SERPINB9: variants seen among roughly 807,000 people sequenced by gnomAD.
SERPINB9 encodes the protein serpin family B member 9, also known as serpin B9.
Under a neutral mutation model 27.2 loss-of-function variants are expected in SERPINB9, and 20 were observed. That is an observed-to-expected ratio of 0.74 (90% CI 0.52 to 1.07). SERPINB9 has a LOEUF of 1.07. SERPINB9 is among the 50% of genes least tolerant of loss of function. SERPINB9 has a pLI of 0.00. For synonymous variants in SERPINB9, 189 were observed against 180.0 expected (o/e 1.05, Z -0.40); for missense variants, 476 against 460.1 (o/e 1.03, Z -0.32).
In SERPINB9 at chr6:2,891,066, C is replaced by T. The variant is rs993296369; in HGVS notation, c.724-496G>A. On this transcript the variant is annotated intron_variant, in intron 6 of 6. Transcript: ENST00000380698. The surrounding 1 kb of genome is among the most constrained non-coding windows in gnomAD (Gnocchi z 4.0). ...CCCCAGAGAGATTCTGCATAGTTTCCGGAGCATAGTTTCAGGAAGGTGGGC... is the reference window on the plus strand; with the variant it reads ...CCCCAGAGAGATTCTGCATAGTTTCTGGAGCATAGTTTCAGGAAGGTGGGC... Among the ~76,000 whole-genome samples, 3 of 152,210 alleles carry T rather than the reference C, an allele frequency of 2.0e-5. No individual in the cohort carries two copies. The highest frequency in any genetic ancestry group is 2.0e-4 in the Admixed American group (3 of 15,282).
In SERPINB9 at chr6:2,900,523, C is replaced by T. The variant is rs778497152; in HGVS notation, c.89G>A (p.Cys30Tyr). 3 of 1,614,094 alleles carry T rather than the reference C, an allele frequency of 1.9e-6. No homozygotes were observed. Among genetic ancestry groups the T allele is most frequent in the Non-Finnish European group, 2.5e-6 (3 of 1,180,034 alleles). Residue 30 changes from cysteine (C) to tyrosine (Y), a missense_variant, in exon 2 of 7, where the codon TGT becomes TAT. Transcript: ENST00000380698. Reference sequence around the variant, plus strand: ...GGCAGAGGAGATGCTCACAGGAGAACAGAACACGTTGTGCGAAGGGTTATC... The same window carrying T: ...GGCAGAGGAGATGCTCACAGGAGAATAGAACACGTTGTGCGAAGGGTTATC... ...CQDNPSHNVF[C>Y]SPVSISSALA...
chr6:2,900,885 T>TCTCTCTCTCTCACACACACA, intron 1 of SERPINB9, among the ~76,000 whole-genome samples: 2 of 141,574 alleles, frequency 1.4e-5, no homozygotes, highest in African/African-American at 5.6e-5. Flanking sequence ...GCTCGCTCTC[T>TCTCTCTCTCTCACACACACA]CACACACACA....
rs748681121 is a variant in SERPINB9 at position 2,900,543 on chromosome 6, G to A, written c.69C>T (p.Asn23=). ...GAGAACAGAACACGTTGTGCGAAGG[G>A]TTATCTTGACACAGTATCTTTAAAA... ...IRLLKILCQD[N]PSHNVFCSPV... The change falls in exon 2 of 7, where the codon AAC becomes AAT. Residue 23 remains asparagine (N), a synonymous_variant. Coordinates refer to ENST00000380698, the MANE Select transcript of SERPINB9 (RefSeq NM_004155.6). 3.7e-6 allele frequency: 6 copies of A among 1,613,964 alleles called. No homozygotes were observed. The highest frequency in any genetic ancestry group is 5.1e-6 in the Non-Finnish European group (6 of 1,180,010).
chr6:2,900,407 A>AGGCCAGTCC, intron 2 of SERPINB9, 37 bp downstream of exon 2: 1 of 1,608,838 alleles, frequency 6.2e-7, no homozygotes, highest in South Asian at 1.1e-5. Flanking sequence ...CACGCAGCCC[A>AGGCCAGTCC]GGCCAGTCCC....
chr6:2,895,590 CT>C (rs1036926932), intron 3 of SERPINB9, 82 bp from the exon 4 acceptor site: 21 of 825,250 alleles, frequency 2.5e-5, no homozygotes, highest in South Asian at 2.4e-4. Context: ...AATATGTTAT[CT>C]TTTTTTAATA....
At chr6:2,893,221 A>ATATAATATATATATATTATAT (rs1373009283) in intron 5 of SERPINB9, among the ~76,000 whole-genome samples, 190 bp downstream of exon 5, 1 of 141,198 alleles carries the variant, frequency 7.1e-6, no homozygotes, top group African/African-American at 2.6e-5. Context: ...ACGTATATAT[A>ATATAATATATATATATTATAT]ATATATATAT....
chr6:2,893,409 A>G lies in SERPINB9; in HGVS notation c.567+2T>C. ...AGCAGGATTTTAAAAAGCTTCCCCC[A>G]CCTGGTTTATTTTAAAGGGCATTTC... On this transcript the variant is annotated splice_donor_variant, in intron 5 of 6. Transcript: ENST00000380698. LOFTEE classifies it high-confidence loss of function. 1 of 1,599,288 alleles carries G rather than the reference A, an allele frequency of 6.3e-7. No individual in the cohort carries two copies. The highest frequency in any genetic ancestry group is 8.5e-7 in the Non-Finnish European group (1 of 1,172,286).
At chr6:2,899,949 G>A (rs1768138207) in intron 2 of SERPINB9, 1 of 456,290 alleles carries the variant, frequency 2.2e-6, no homozygotes, top group Admixed American at 2.4e-5. Context: ...GAGCTGAGCA[G>A]TACCTGCACA....
intron 5 of SERPINB9, 52 bp from the exon 6 acceptor site, chr6:2,892,040 G>A (rs749371192): frequency 1.4e-5 from 20 of 1,465,076 alleles, no homozygotes; most frequent in African/African-American, 3.0e-5. Context: ...AAGAGCTGCA[G>A]TTGCCTCCAA....
chr6:2,895,536 C>T lies in SERPINB9; in HGVS notation c.307-28G>A, dbSNP rs188278367. On this transcript the variant is annotated intron_variant, in intron 3 of 6. Coordinates refer to ENST00000380698, the MANE Select transcript of SERPINB9 (RefSeq NM_004155.6). ...TTGGAGAGAAAAATGTTCAGTGAGG[C>T]TGCATTGCTAAATACAAATGTCAGC... 60 of 1,425,938 alleles carry T rather than the reference C, an allele frequency of 4.2e-5. No individual in the cohort carries two copies. The African/African-American group carries it at 8.3e-4, about 20-fold the overall frequency. 88.3% of individuals were successfully genotyped at this position (1,425,938 alleles called of 1,614,324 possible).
Position 2,889,915 on chromosome 6 carries a change from A to C in SERPINB9, c.*248T>G. 2.6e-6 allele frequency: 1 copy of C among 384,202 alleles called. No individual in the cohort carries two copies. The highest frequency in any genetic ancestry group is 4.7e-6 in the Non-Finnish European group (1 of 212,888). The allele number at this position is 384,202 out of a possible 1,614,324, so 23.8% of individuals were successfully genotyped here. A position where few individuals can be genotyped will look rare whatever the true frequency, so the allele number is the denominator to read the frequency against. Reference sequence around the variant, plus strand: ...CTAGAAGAACTTTGCTTGCCATCCTATGGGATTTGGACTGCAATTTTAATA... The same window carrying C: ...CTAGAAGAACTTTGCTTGCCATCCTCTGGGATTTGGACTGCAATTTTAATA... On this transcript the variant is annotated 3_prime_UTR_variant, in exon 7 of 7. Transcript: ENST00000380698.
rs1242704383 is a variant in SERPINB9, at chr6:2,894,879, G to A, written c.424+512C>T. Among the ~76,000 whole-genome samples the A allele has an allele frequency of 6.6e-6, 1 of 151,770 alleles. No individual in the cohort carries two copies. The highest frequency in any genetic ancestry group is 6.6e-5 in the Admixed American group (1 of 15,220). ...CATGTCTCAGCCTCCCAAGCAGCTGGGATTACAGGCATGGGCCACCACACC... is the reference window on the plus strand; with the variant it reads ...CATGTCTCAGCCTCCCAAGCAGCTGAGATTACAGGCATGGGCCACCACACC... On this transcript the variant is annotated intron_variant, in intron 4 of 6. Transcript: ENST00000380698. This position sits in a 1 kb window ranked among gnomAD's most constrained non-coding sequence, Gnocchi z 4.7.
At position 2,894,626 on chromosome 6, in the gene SERPINB9, A is replaced by G. The variant is rs978325396; in HGVS notation, c.424+765T>C. ...GCAGCCCAAGTGTATACCTCAGGCAAGATCTGTCCACCAATCTCCTTCTCG... is the reference window on the plus strand; with the variant it reads ...GCAGCCCAAGTGTATACCTCAGGCAGGATCTGTCCACCAATCTCCTTCTCG... On this transcript the variant is annotated intron_variant, in intron 4 of 6. Coordinates refer to ENST00000380698, the MANE Select transcript of SERPINB9 (RefSeq NM_004155.6). This position sits in a 1 kb window ranked among gnomAD's most constrained non-coding sequence, Gnocchi z 4.7. 6.6e-6 allele frequency among the ~76,000 whole-genome samples: 1 copy of G among 152,208 alleles called. No individual in the cohort carries two copies.
rs752359470 is a variant in SERPINB9, at chr6:2,894,553, A to T, written c.424+838T>A. ...GACATGAAAAGTCAGGAGTGACCTT[A>T]GCAGGTAAAGGTAATGGTGATGGAG... On this transcript the variant is annotated intron_variant, in intron 4 of 6. Transcript: ENST00000380698. This position sits in a 1 kb window ranked among gnomAD's most constrained non-coding sequence, Gnocchi z 4.7. Among the ~76,000 whole-genome samples the T allele has an allele frequency of 7.2e-5, 11 of 152,204 alleles. No individual in the cohort carries two copies. The highest frequency in any genetic ancestry group is 1.6e-4 in the Non-Finnish European group (11 of 68,032).
Position 2,891,379 on chromosome 6 carries a change from A to G in SERPINB9, c.723+454T>C, listed in dbSNP as rs571329601. ...CATAATGCTAAGAATGATGATTGTAATAATGGATCACATTTGTAGAGCATT... is the reference window on the plus strand; with the variant it reads ...CATAATGCTAAGAATGATGATTGTAGTAATGGATCACATTTGTAGAGCATT... On this transcript the variant is annotated intron_variant, in intron 6 of 6. Coordinates refer to ENST00000380698, the MANE Select transcript of SERPINB9 (RefSeq NM_004155.6). This position sits in a 1 kb window ranked among gnomAD's most constrained non-coding sequence, Gnocchi z 4.0. Among the ~76,000 whole-genome samples the G allele has an allele frequency of 1.6e-4, 25 of 152,350 alleles. No individual in the cohort carries two copies. Among genetic ancestry groups the G allele is most frequent in the African/African-American group, 6.0e-4 (25 of 41,582 alleles).
At chr6:2,898,959 A>G (rs929017577) in intron 2 of SERPINB9, among the ~76,000 whole-genome samples, 3 of 152,182 alleles carry the variant, frequency 2.0e-5, no homozygotes, top group African/African-American at 2.4e-5. Context: ...TACCAGTTAT[A>G]TAATGAAGGA....
rs575792016 is a variant in SERPINB9, at chr6:2,893,054, T to G, written c.567+357A>C. 8.8e-3 allele frequency among the ~76,000 whole-genome samples: 235 copies of G among 26,726 alleles called. 4 individuals are homozygous for G. The highest frequency in any genetic ancestry group is 0.027 in the African/African-American group (197 of 7,406). The allele number at this position is 26,726 out of a possible 152,430, so 17.5% of individuals were successfully genotyped here. A position where few individuals can be genotyped will look rare whatever the true frequency, so the allele number is the denominator to read the frequency against. Reference sequence around the variant, plus strand: ...CCCACATATCACACTACCTTAACACTTTTTTTTTTTTTTTTTTGCTTTCTA... The same window carrying G: ...CCCACATATCACACTACCTTAACACGTTTTTTTTTTTTTTTTTGCTTTCTA... On this transcript the variant is annotated intron_variant, in intron 5 of 6. Coordinates refer to ENST00000380698, the MANE Select transcript of SERPINB9 (RefSeq NM_004155.6).
At position 2,896,066 on chromosome 6, in the gene SERPINB9, C is replaced by T. The variant is rs968586030; in HGVS notation, c.293G>A (p.Cys98Tyr). ...GATTCAACTTACTGAGAGGAACTGACAAGTTTTCTCTCCAAAGAGCCTGTT... is the reference window on the plus strand; with the variant it reads ...GATTCAACTTACTGAGAGGAACTGATAAGTTTTCTCTCCAAAGAGCCTGTT... ...TANRLFGEKT[C>Y]QFLSTFKESC... The change falls in exon 3 of 7, where the codon TGT becomes TAT. Residue 98 changes from cysteine to tyrosine, a missense_variant. Coordinates refer to ENST00000380698, the MANE Select transcript of SERPINB9 (RefSeq NM_004155.6). 5.0e-6 allele frequency: 8 copies of T among 1,612,944 alleles called. No individual in the cohort carries two copies. The highest frequency in any genetic ancestry group is 6.8e-6 in the Non-Finnish European group (8 of 1,179,736).
intron 5 of SERPINB9, among the ~76,000 whole-genome samples, chr6:2,892,467 G>C (rs1053659963): frequency 1.3e-5 from 2 of 152,100 alleles, no homozygotes; most frequent in Non-Finnish European, 2.9e-5. Flanking sequence ...CTCTCAGAAA[G>C]AGTAACGACC....
Sources: allele counts gnomAD v4.1 joint callset (sites outside exome capture counted in the v4.1 genomes callset), GRCh38; gene constraint gnomAD v4.1.1; non-coding constraint Gnocchi (gnomAD v3.1); transcripts MANE v1.5; gene names NCBI Gene and HGNC (gene_info 2026-07-23, HGNC 2026-07-21).